Variants in MGAM2 observed in about 807,000 individuals in gnomAD.
The protein encoded by MGAM2 is probable maltase-glucoamylase 2.
Under a neutral mutation model 96.1 loss-of-function variants are expected in MGAM2, and 98 were observed. That is an observed-to-expected ratio of 1.02 (90% CI 0.87 to 1.21). The LOEUF is 1.21. MGAM2 is among the 50% of genes most tolerant of loss of function. MGAM2 has a pLI of 0.00. For missense variants in MGAM2, 2,055 were observed against 1,182.4 expected (o/e 1.74, Z -10.82); for synonymous variants, 749 against 414.8 (o/e 1.81, Z -9.79).
intron 20 of MGAM2, among the ~76,000 whole-genome samples, chr7:142,159,867 GA>G (rs1795837626): frequency 6.6e-6 from 1 of 152,186 alleles, no homozygotes. Flanking sequence ...TAGCTATCAA[GA>G]CTGGGCTTTG....
chr7:142,200,592 T>G (rs1257308249), intron 45 of MGAM2, among the ~76,000 whole-genome samples: 1 of 152,208 alleles, frequency 6.6e-6, no homozygotes, highest in African/African-American at 2.4e-5. Context: ...ACACTGTTAC[T>G]AGCTGACTCT....
intron 6 of MGAM2, 107 bp from the exon 7 acceptor site, chr7:142,133,874 G>T (rs1396311084): frequency 1.4e-5 from 7 of 500,912 alleles, no homozygotes; most frequent in Non-Finnish European, 1.8e-5. Context: ...AATTGCTAAC[G>T]CCTGAAACAA....
chr7:142,131,427 A>C, intron 4 of MGAM2, 91 bp from the exon 5 acceptor site: 1 of 653,238 alleles, frequency 1.5e-6, no homozygotes, highest in Non-Finnish European at 2.8e-6. Context: ...ACAGGGCAAG[A>C]CTCCATCTCA....
chr7:142,172,548 G>A, intron 29 of MGAM2, 104 bp from the exon 30 acceptor site: 1 of 576,898 alleles, frequency 1.7e-6, no homozygotes, highest in Admixed American at 3.1e-5. Context: ...GAGAAGGCAT[G>A]TATCAAAGAC....
rs573634053 is a variant in MGAM2, at chr7:142,184,976, G to A, written c.3925-101G>A. 47 of 553,950 alleles carry A rather than the reference G, an allele frequency of 8.5e-5. 1 individual carries two copies. Among genetic ancestry groups the A allele is most frequent in the Admixed American group, 4.8e-4 (17 of 35,218 alleles). The allele number at this position is 553,950 out of a possible 1,614,324, so 34.3% of individuals were successfully genotyped here. A position where few individuals can be genotyped will look rare whatever the true frequency, so the allele number is the denominator to read the frequency against. On this transcript the variant is annotated intron_variant, in intron 33 of 47. Coordinates refer to ENST00000477922, the MANE Select transcript of MGAM2 (RefSeq NM_001293626.2). The stretch of plus-strand genomic sequence containing the variant: ...TAATTTATGGCAAAGATTCCCAAGC[G>A]TTTCATGGAGATGCCTGTCATCAGA...
chr7:142,183,096 T>C (rs902519697), intron 32 of MGAM2, among the ~76,000 whole-genome samples, 170 bp from the exon 33 acceptor site: 1 of 152,212 alleles, frequency 6.6e-6, no homozygotes, highest in African/African-American at 2.4e-5. Flanking sequence ...TATGGTAATA[T>C]ATGCAGTAAG....
chr7:142,195,730 G>A (rs1178935354), intron 37 of MGAM2, among the ~76,000 whole-genome samples: 1 of 152,034 alleles, frequency 6.6e-6, no homozygotes, highest in Non-Finnish European at 1.5e-5. Context: ...CTATTTTCAG[G>A]CGAATGCCTT....
At position 142,196,258 on chromosome 7, in the gene MGAM2, C is replaced by T; in HGVS notation, c.4451C>T (p.Ala1484Val). The T allele has an allele frequency of 2.4e-6, 2 of 836,530 alleles. No individual in the cohort carries two copies. The highest frequency in any genetic ancestry group is 1.4e-5 in the South Asian group (1 of 69,828). The allele number at this position is 836,530 out of a possible 1,614,324, so 51.8% of individuals were successfully genotyped here. The change falls in exon 38 of 48, where the codon GCA becomes GTA. Residue 1484 changes from alanine (A) to valine (V), a missense_variant. Transcript: ENST00000477922. ...GGHRLGNNTA[A>V]WDQLGKSIIG... The stretch of plus-strand genomic sequence containing the variant: ...CACCGGTTGGGAAACAACACAGCTG[C>T]ATGGGACCAGCTGGGGAAATCTATC...
At chr7:142,176,509 C>T (rs1796383534) in intron 32 of MGAM2, among the ~76,000 whole-genome samples, 1 of 152,046 alleles carries the variant, frequency 6.6e-6, no homozygotes, top group Admixed American at 6.6e-5. Flanking sequence ...AGGCAGTGCT[C>T]TTTTTCTTAT....
chr7:142,161,316 G>A (rs979593237), intron 22 of MGAM2, 103 bp downstream of exon 22: 12 of 567,702 alleles, frequency 2.1e-5, no homozygotes, highest in Non-Finnish European at 2.9e-5. Flanking sequence ...TAGCACTGTC[G>A]TTTACATCTG....
intron 1 of MGAM2, among the ~76,000 whole-genome samples, chr7:142,115,060 A>G (rs2129072969): frequency 6.6e-6 from 1 of 152,254 alleles, no homozygotes; most frequent in African/African-American, 2.4e-5. Flanking sequence ...TACTAAAAAT[A>G]CAAAAAGTTA....
At chr7:142,161,253 G>T (rs1795880338) in intron 22 of MGAM2, 40 bp downstream of exon 22, 1 of 699,374 alleles carries the variant, frequency 1.4e-6, no homozygotes. Flanking sequence ...GATCACTGTG[G>T]TTCTCCCTGA....
intron 19 of MGAM2, 83 bp downstream of exon 19, chr7:142,158,415 T>A: frequency 3.0e-6 from 2 of 657,422 alleles, no homozygotes; most frequent in Admixed American, 4.8e-5. Context: ...TTCCTATCTA[T>A]GACTGCATTT....
chr7:142,120,867 G>A (rs1794548494), intron 3 of MGAM2, among the ~76,000 whole-genome samples: 1 of 152,150 alleles, frequency 6.6e-6, no homozygotes, highest in Non-Finnish European at 1.5e-5. Context: ...TGGCAATAGA[G>A]GTCCCAATGG....
intron 32 of MGAM2, among the ~76,000 whole-genome samples, chr7:142,181,605 A>G (rs1796544806): frequency 6.6e-6 from 1 of 152,176 alleles, no homozygotes; most frequent in Admixed American, 6.5e-5. Flanking sequence ...CTTAGCCCCA[A>G]GGGCGTCCCT....
intron 34 of MGAM2, among the ~76,000 whole-genome samples, chr7:142,185,559 C>T (rs1377803510): frequency 1.3e-5 from 2 of 152,106 alleles, no homozygotes; most frequent in East Asian, 3.9e-4. Flanking sequence ...CATCTAGCAT[C>T]CCCTCTACTC....
At chr7:142,196,462 A>G in intron 38 of MGAM2, 103 bp from the exon 39 acceptor site, 1 of 673,904 alleles carries the variant, frequency 1.5e-6, no homozygotes, top group East Asian at 2.7e-5. Context: ...TATTTTCATC[A>G]TGGTCCAGGG....
At chr7:142,131,839 G>A in intron 5 of MGAM2, 92 bp from the exon 6 acceptor site, 1 of 625,196 alleles carries the variant, frequency 1.6e-6, no homozygotes, top group Non-Finnish European at 2.9e-6. Context: ...CTATTCTCAT[G>A]GGGTGTCATT....
chr7:142,189,074 C>T (rs1796790464), intron 36 of MGAM2, among the ~76,000 whole-genome samples: 1 of 152,036 alleles, frequency 6.6e-6, no homozygotes, highest in South Asian at 2.1e-4. Context: ...ACAGTCCTAA[C>T]AATGAAGGAG....
Sources: gnomAD v4.1 joint callset for allele counts (sites outside exome capture counted in the v4.1 genomes callset) on GRCh38, gnomAD v4.1.1 for gene constraint, MANE v1.5 for transcripts, NCBI Gene and HGNC (gene_info 2026-07-23, HGNC 2026-07-21) for gene names.